Variants in ATP2C2 observed in about 807,000 individuals in gnomAD.
ATP2C2 encodes the protein ATPase secretory pathway Ca2+ transporting 2.
In ATP2C2, 171 loss-of-function variants were observed where a neutral mutation model predicts 110.8. That is an observed-to-expected ratio of 1.54 (90% confidence interval 1.36 to 1.75). ATP2C2 has a LOEUF of 1.75. Ranked by LOEUF, ATP2C2 falls within the 40% of genes most tolerant of loss-of-function variation. The pLI is 0.00. For synonymous variants in ATP2C2, 804 were observed against 508.4 expected (o/e 1.58, Z -7.82); for missense variants, 1,963 against 1,235.0 (o/e 1.59, Z -8.84).
chr16:84,448,782 A>C, intron 17 of ATP2C2, 93 bp downstream of exon 17: 5 of 1,499,984 alleles, frequency 3.3e-6, no homozygotes, highest in Admixed American at 2.1e-5. Context: ...CAAGGAGGTC[A>C]CCCGTCCCAA....
chr16:84,441,895 C>G (rs771719797), intron 14 of ATP2C2, among the ~76,000 whole-genome samples: 10 of 152,036 alleles, frequency 6.6e-5, no homozygotes, highest in Non-Finnish European at 1.3e-4. Context: ...TGCACTCCAC[C>G]CTGGGTAATA....
At chr16:84,389,334 C>G (rs1433083316) in intron 1 of ATP2C2, among the ~76,000 whole-genome samples, 2 of 152,352 alleles carry the variant, frequency 1.3e-5, no homozygotes, top group East Asian at 3.9e-4. Context: ...GCACTGGGGC[C>G]CGCCCATCTC....
intron 13 of ATP2C2, among the ~76,000 whole-genome samples, chr16:84,440,084 C>T (rs1002742051): frequency 9.9e-5 from 15 of 152,224 alleles, no homozygotes; most frequent in African/African-American, 2.4e-4. Context: ...GTGATCCGCC[C>T]GCCTTGGCCT....
intron 6 of ATP2C2, among the ~76,000 whole-genome samples, chr16:84,411,935 T>G (rs942853867): frequency 3.3e-5 from 5 of 151,820 alleles, no homozygotes; most frequent in African/African-American, 1.2e-4. Context: ...CTTTCTTTCC[T>G]TTCTTTTCTT....
intron 1 of ATP2C2, among the ~76,000 whole-genome samples, chr16:84,395,236 A>C (rs1904899005): frequency 6.6e-6 from 1 of 151,972 alleles, no homozygotes; most frequent in African/African-American, 2.4e-5. Flanking sequence ...CTGCAGTCAC[A>C]AAACACAGGG....
chr16:84,396,787 A>C (rs149437677), intron 1 of ATP2C2, among the ~76,000 whole-genome samples: 1 of 151,834 alleles, frequency 6.6e-6, no homozygotes, highest in African/African-American at 2.4e-5. Context: ...AAAGAATGCA[A>C]TGTTGACTTA....
intron 7 of ATP2C2, among the ~76,000 whole-genome samples, chr16:84,417,638 T>C (rs1376318807): frequency 6.6e-6 from 1 of 152,214 alleles, no homozygotes; most frequent in Non-Finnish European, 1.5e-5. Flanking sequence ...ATACCTGTCA[T>C]CCCAATACTT....
chr16:84,443,560 C>G (rs1567729384), intron 15 of ATP2C2, among the ~76,000 whole-genome samples: 2 of 152,224 alleles, frequency 1.3e-5, no homozygotes, highest in Admixed American at 6.5e-5. Flanking sequence ...TGGACTTTGA[C>G]CACTCCTGCC....
intron 17 of ATP2C2, among the ~76,000 whole-genome samples, chr16:84,451,305 G>T (rs527412621): frequency 1.5e-4 from 22 of 150,028 alleles, no homozygotes; most frequent in East Asian, 7.7e-4. Context: ...CCCACAACAC[G>T]TGGGAATTAT....
intron 6 of ATP2C2, among the ~76,000 whole-genome samples, chr16:84,413,520 CAT>C (rs1906574715): frequency 3.3e-5 from 5 of 152,130 alleles, no homozygotes; most frequent in Admixed American, 3.3e-4. Context: ...GAAATCCAGA[CAT>C]GTGACATCAT....
chr16:84,369,574 C>T (rs1909833325), intron 1 of ATP2C2, among the ~76,000 whole-genome samples: 1 of 151,448 alleles, frequency 6.6e-6, no homozygotes, highest in South Asian at 2.1e-4. Flanking sequence ...CCCTGGGTTG[C>T]TAATTAGAAA....
chr16:84,377,344 C>T (rs770752158), intron 1 of ATP2C2, among the ~76,000 whole-genome samples: 10 of 152,100 alleles, frequency 6.6e-5, no homozygotes, highest in African/African-American at 2.4e-4. Context: ...TGGAGTGGGC[C>T]GGACAGGCAT....
Position 84,423,323 on chromosome 16 carries a change from G to A in ATP2C2, c.919+60G>A, listed in dbSNP as rs984547485. On this transcript the variant is annotated intron_variant, in intron 10 of 26. Coordinates refer to ENST00000262429, the MANE Select transcript of ATP2C2 (RefSeq NM_014861.4). ...GCAGATGGAGGGGAGCCATCATAGGGGGGTTGCCATGGCCGTTTCTCAAAT... is the reference window on the plus strand; with the variant it reads ...GCAGATGGAGGGGAGCCATCATAGGAGGGTTGCCATGGCCGTTTCTCAAAT... 13 of 1,516,120 alleles carry A rather than the reference G, an allele frequency of 8.6e-6. No homozygotes were observed. In the African/African-American group the frequency reaches 1.5e-4, roughly 18 times the overall value. 93.9% of individuals were successfully genotyped at this position (1,516,120 alleles called of 1,614,324 possible).
Position 84,448,646 on chromosome 16 carries a change from C to G in ATP2C2, c.1617C>G (p.Phe539Leu). Residue 539 changes from phenylalanine (F) to leucine (L), a missense_variant, in exon 17 of 27, where the codon TTC becomes TTG. Coordinates refer to ENST00000262429, the MANE Select transcript of ATP2C2 (RefSeq NM_014861.4). Reference protein sequence around the residue: ...PLPLTPQQRSFCLQEEKRMGS... With the variant: ...PLPLTPQQRSLCLQEEKRMGS... The stretch of plus-strand genomic sequence containing the variant: ...CGCTGACGCCCCAGCAGAGGTCATT[C>G]TGCCTGCAGGAAGAGAAGAGGATGG... The G allele has an allele frequency of 6.2e-7, 1 of 1,613,940 alleles. No individual in the cohort carries two copies. Among genetic ancestry groups the G allele is most frequent in the Non-Finnish European group, 8.5e-7 (1 of 1,179,902 alleles).
intron 5 of ATP2C2, 28 bp from the exon 6 acceptor site, chr16:84,410,676 A>G (rs752674809): frequency 3.7e-6 from 6 of 1,613,694 alleles, no homozygotes; most frequent in South Asian, 2.2e-5. Flanking sequence ...CCACCTTTAA[A>G]CAGCACATCT....
rs1911654232 is a variant in ATP2C2 at position 84,463,854 on chromosome 16, T to G, written c.*122T>G. ...CGCAGCCTTCCATCACCGGATCAGT[T>G]TTTCCTCTTAGGAAAGCTGCAGGAA... is the stretch of plus-strand genomic sequence containing the variant. On this transcript the variant is annotated 3_prime_UTR_variant, in exon 27 of 27. Transcript: ENST00000262429. The G allele has an allele frequency of 2.2e-6, 2 of 900,240 alleles. No homozygotes were observed. Among genetic ancestry groups the G allele is most frequent in the Non-Finnish European group, 3.5e-6 (2 of 575,804 alleles). The allele number at this position is 900,240 out of a possible 1,614,324, so 55.8% of individuals were successfully genotyped here.
intron 1 of ATP2C2, among the ~76,000 whole-genome samples, chr16:84,377,582 C>G (rs1910322223): frequency 6.6e-6 from 1 of 152,084 alleles, no homozygotes; most frequent in African/African-American, 2.4e-5. Flanking sequence ...GTCCTAATCT[C>G]CTCCTTTTAC....
At position 84,405,217 on chromosome 16, in the gene ATP2C2, A is replaced by T. The variant is rs1905655847; in HGVS notation, c.300A>T (p.Glu100Asp). 4.3e-6 allele frequency: 7 copies of T among 1,612,238 alleles called. No homozygotes were observed. In the East Asian group the frequency reaches 6.7e-5, roughly 15 times the overall value. The change falls in exon 3 of 27, where the codon GAA becomes GAT. Residue 100 changes from glutamate to aspartate, a missense_variant. Coordinates refer to ENST00000262429, the MANE Select transcript of ATP2C2 (RefSeq NM_014861.4). Reference protein sequence around the residue: ...GWNEFVADNSEPVWKKYLDQF... With the variant: ...GWNEFVADNSDPVWKKYLDQF... ...ATGAGTTTGTTGCTGACAACAGCGAACCTGTGTGGAAGAAATACCTGGATC... is the reference window on the plus strand; with the variant it reads ...ATGAGTTTGTTGCTGACAACAGCGATCCTGTGTGGAAGAAATACCTGGATC...
intron 17 of ATP2C2, among the ~76,000 whole-genome samples, chr16:84,451,428 T>C (rs1910251889): frequency 6.6e-6 from 1 of 152,212 alleles, no homozygotes. Flanking sequence ...CTCCATCTGT[T>C]GTGCACCTGC....
Sources: gnomAD v4.1 joint callset for allele counts (sites outside exome capture counted in the v4.1 genomes callset) on GRCh38, gnomAD v4.1.1 for gene constraint, MANE v1.5 for transcripts, NCBI Gene and HGNC (gene_info 2026-07-23, HGNC 2026-07-21) for gene names.